Variants in UBXN2B observed in about 807,000 individuals in gnomAD.
The protein encoded by UBXN2B is UBX domain-containing protein 2B.
A neutral mutation model predicts 37.5 loss-of-function variants in UBXN2B; 19 were observed. That is an observed-to-expected ratio of 0.51 (90% CI 0.35 to 0.74). UBXN2B has a LOEUF of 0.74. Ranked by LOEUF, UBXN2B falls within the 30% of genes least tolerant of loss-of-function variation. UBXN2B has a pLI of 0.01. For synonymous variants in UBXN2B, 145 were observed against 143.8 expected (o/e 1.01, Z -0.06); for missense variants, 370 against 393.2 (o/e 0.94, Z 0.50).
At chr8:58,411,509 G>C in intron 1 of UBXN2B, 40 bp downstream of exon 1, 1 of 1,242,202 alleles carries the variant, frequency 8.1e-7, no homozygotes, top group African/African-American at 1.6e-5. Context: ...GGCGGTGGAC[G>C]CGGGCTGGTG....
chr8:58,428,336 A>G (rs1808157829), intron 2 of UBXN2B, among the ~76,000 whole-genome samples: 1 of 152,356 alleles, frequency 6.6e-6, no homozygotes, highest in South Asian at 2.1e-4. Flanking sequence ...TTCAACTTGT[A>G]CTGGAGGTTT....
rs869090698 is a variant in UBXN2B at position 58,446,779 on chromosome 8, A to ATTTTTTTTTTTTTTTTT, written c.834-590_834-574dup. On this transcript the variant is annotated intron_variant, in intron 7 of 7. Transcript: ENST00000399598. The stretch of plus-strand genomic sequence containing the variant: ...ATACTCCGAAAAAAGTACAACCTGC[A>ATTTTTTTTTTTTTTTTT]TTTTTTTTTTTTTTTTTTTTTTTTT... 3.2e-3 allele frequency among the ~76,000 whole-genome samples: 56 copies of ATTTTTTTTTTTTTTTTT among 17,400 alleles called. 23 individuals carry two copies. Among genetic ancestry groups the ATTTTTTTTTTTTTTTTT allele is most frequent in the Non-Finnish European group, 4.2e-3 (40 of 9,594 alleles). The allele number at this position is 17,400 out of a possible 152,430, so 11.4% of individuals were successfully genotyped here. A position where few individuals can be genotyped will look rare whatever the true frequency, so the allele number is the denominator to read the frequency against.
intron 4 of UBXN2B, among the ~76,000 whole-genome samples, chr8:58,434,017 G>A (rs1307311845): frequency 1.3e-5 from 2 of 152,158 alleles, no homozygotes; most frequent in African/African-American, 4.8e-5. Context: ...TAGCAAAGAA[G>A]AGTATGGGTG....
chr8:58,428,775 G>A (rs1461516378), intron 2 of UBXN2B, among the ~76,000 whole-genome samples: 1 of 152,238 alleles, frequency 6.6e-6, no homozygotes, highest in Non-Finnish European at 1.5e-5. Context: ...CAATGGTTAA[G>A]AGAGTAAGAA....
At chr8:58,421,083 A>G (rs1469441808) in intron 2 of UBXN2B, among the ~76,000 whole-genome samples, 7 of 152,302 alleles carry the variant, frequency 4.6e-5, no homozygotes, top group African/African-American at 1.7e-4. Context: ...ACCTTTCCAC[A>G]TCCCCCTGAA....
intron 6 of UBXN2B, among the ~76,000 whole-genome samples, chr8:58,442,144 ATGTT>A (rs1257052604): frequency 2.6e-5 from 4 of 152,178 alleles, no homozygotes; most frequent in African/African-American, 9.7e-5. Flanking sequence ...AAACAAGTGT[ATGTT>A]TGTTTGGTGG....
intron 2 of UBXN2B, chr8:58,425,273 A>G (rs1808051078): frequency 8.7e-7 from 1 of 1,149,026 alleles, no homozygotes; most frequent in African/African-American, 1.5e-5. Flanking sequence ...TATTTGACAC[A>G]TTTACTCTAT....
intron 6 of UBXN2B, among the ~76,000 whole-genome samples, chr8:58,445,400 G>A (rs1808643567): frequency 6.6e-6 from 1 of 152,184 alleles, no homozygotes; most frequent in African/African-American, 2.4e-5. Context: ...AATGAATTTA[G>A]TGCTGATAAT....
In UBXN2B at chr8:58,423,079, AATCATCATCATCATC is replaced by A. The variant is rs35213875; in HGVS notation, c.188+6155_188+6169del. 2.5e-3 allele frequency among the ~76,000 whole-genome samples: 370 copies of A among 149,046 alleles called. 1 individual carries two copies. The highest frequency in any genetic ancestry group is 7.9e-3 in the African/African-American group (318 of 40,248). On this transcript the variant is annotated intron_variant, in intron 2 of 7. Coordinates refer to ENST00000399598, the MANE Select transcript of UBXN2B (RefSeq NM_001077619.2). ...CTCCAGCTCTCTTCTGGTGAGACGAAATCATCATCATCATCATCATCATCATCATCATCATCATCA... is the reference window on the plus strand; with the variant it reads ...CTCCAGCTCTCTTCTGGTGAGACGAAATCATCATCATCATCATCATCATCA...
At position 58,418,616 on chromosome 8, in the gene UBXN2B, G is replaced by A. The variant is rs141924292; in HGVS notation, c.188+1663G>A. 5.8e-4 allele frequency among the ~76,000 whole-genome samples: 88 copies of A among 152,304 alleles called. 2 individuals are homozygous for A. The East Asian group carries it at 0.016, about 28-fold the overall frequency. On this transcript the variant is annotated intron_variant, in intron 2 of 7. Transcript: ENST00000399598. ...TGCTATTTATTACATGACAACAGGA[G>A]TCATAATTTCAGGATTTTCCACCAT... is the stretch of plus-strand genomic sequence containing the variant.
chr8:58,432,656 A>C lies in UBXN2B; in HGVS notation c.340-504A>C, dbSNP rs1027332207. Among the ~76,000 whole-genome samples, 9 of 152,286 alleles carry C rather than the reference A, an allele frequency of 5.9e-5. 1 individual carries two copies. The highest frequency in any genetic ancestry group is 1.7e-4 in the African/African-American group (7 of 41,554). ...CTCGGCCTCCCAAAGTGCTGGGATT[A>C]CGAGCATGAGCCACCTCTATACAGC... On this transcript the variant is annotated intron_variant, in intron 3 of 7. Transcript: ENST00000399598.
chr8:58,423,445 T>G (rs1032565186), intron 2 of UBXN2B, among the ~76,000 whole-genome samples: 8 of 151,440 alleles, frequency 5.3e-5, no homozygotes, highest in African/African-American at 1.9e-4. Flanking sequence ...GTTGTTGTTT[T>G]TTTTTTTTGA....
At position 58,449,383 on chromosome 8, in the gene UBXN2B, TCA is replaced by T. The variant is rs1808754939; in HGVS notation, c.*1835_*1836del. 6.6e-6 allele frequency: 1 copy of T among 150,734 alleles called. No individual in the cohort carries two copies. Among genetic ancestry groups the T allele is most frequent in the Admixed American group, 6.6e-5 (1 of 15,088 alleles). 9.3% of individuals were successfully genotyped at this position (150,734 alleles called of 1,614,324 possible). On this transcript the variant is annotated 3_prime_UTR_variant, in exon 8 of 8. Transcript: ENST00000399598. ...TACATCACTCATAGGTGCTCAAAAG[TCA>T]CAATCCATTATTACAGCATCAACTC... is the stretch of plus-strand genomic sequence containing the variant.
At chr8:58,443,513 A>T (rs1003331708) in intron 6 of UBXN2B, among the ~76,000 whole-genome samples, 2 of 151,794 alleles carry the variant, frequency 1.3e-5, no homozygotes, top group Admixed American at 1.3e-4. Context: ...CATAACTTGC[A>T]TGGGCACAGT....
At chr8:58,415,980 G>A (rs375555510) in intron 1 of UBXN2B, among the ~76,000 whole-genome samples, 100 of 151,290 alleles carry the variant, frequency 6.6e-4, no homozygotes, top group Middle Eastern at 3.4e-3. Context: ...CATATCATTT[G>A]TGTGTCTAAA....
At chr8:58,416,033 G>A (rs1402718634) in intron 1 of UBXN2B, among the ~76,000 whole-genome samples, 1 of 144,682 alleles carries the variant, frequency 6.9e-6, no homozygotes, top group Non-Finnish European at 1.5e-5. Flanking sequence ...GGGTTTTTTT[G>A]TTTGTTTGTT....
chr8:58,423,432 T>TG (rs1554550909), intron 2 of UBXN2B, among the ~76,000 whole-genome samples: 17 of 151,234 alleles, frequency 1.1e-4, no homozygotes, highest in South Asian at 4.2e-4. Flanking sequence ...GGGTTTTTTT[T>TG]TTGTTGTTGT....
intron 2 of UBXN2B, among the ~76,000 whole-genome samples, chr8:58,419,008 G>A (rs913381499): frequency 6.6e-6 from 1 of 152,026 alleles, no homozygotes; most frequent in Non-Finnish European, 1.5e-5. Context: ...TTCAGTGAAG[G>A]GTTTTCTTTT....
intron 1 of UBXN2B, among the ~76,000 whole-genome samples, chr8:58,415,450 T>C (rs1025383186): frequency 1.3e-5 from 2 of 152,064 alleles, no homozygotes; most frequent in African/African-American, 2.4e-5. Flanking sequence ...CTCTATCATT[T>C]GTTTGTTTTT....
Sources: allele counts gnomAD v4.1 joint callset (sites outside exome capture counted in the v4.1 genomes callset), GRCh38; gene constraint gnomAD v4.1.1; transcripts MANE v1.5; gene names NCBI Gene and HGNC (gene_info 2026-07-23, HGNC 2026-07-21).